Variants in MDN1 observed in about 807,000 individuals in gnomAD.
MDN1 encodes the protein midasin.
Under a neutral mutation model 669.2 loss-of-function variants are expected in MDN1, and 266 were observed. The ratio of observed to expected loss-of-function variants is 0.40; its 90% CI spans 0.36 to 0.44. MDN1 has a LOEUF of 0.44. Among genes scored for constraint, MDN1 ranks in the 20% least tolerant of loss-of-function variants. The pLI is 1.00. For synonymous variants in MDN1, 2,385 were observed against 2,457.1 expected, an observed-to-expected ratio of 0.97 and a Z score of 0.87; for missense variants, 5,940 against 6,754.0, an observed-to-expected ratio of 0.88 and a Z score of 4.22.
intron 9 of MDN1, among the ~76,000 whole-genome samples, chr6:89,782,709 G>C (rs901864471): frequency 6.6e-6 from 1 of 152,022 alleles, no homozygotes; most frequent in Admixed American, 6.5e-5. Flanking sequence ...GGCAGGCTGA[G>C]GTGAGTGGAT....
chr6:89,699,697 A>C lies in MDN1; in HGVS notation c.8901T>G (p.Asn2967Lys). ...ATGAGATGAGGTGACTTATCTCCTCATTTATCTGGGGTTGTTGATTTTTGC... is the reference window on the plus strand; with the variant it reads ...ATGAGATGAGGTGACTTATCTCCTCCTTTATCTGGGGTTGTTGATTTTTGC... ...RCSKNQQPQI[N>K]EEISHLISFC... The change falls in exon 58 of 102, where the codon AAT becomes AAG. Residue 2967 changes from asparagine (N) to lysine (K), a missense_variant. Around this residue, in one of 5 missense-constraint regions of MDN1, gnomAD observed 2,292 missense variants for 2,638.3 expected, o/e 0.87. Transcript: ENST00000369393. The C allele has an allele frequency of 1.2e-6, 2 of 1,613,928 alleles. No homozygotes were observed. The highest frequency in any genetic ancestry group is 8.5e-7 in the Non-Finnish European group (1 of 1,179,920).
Position 89,698,955 on chromosome 6 carries a change from G to A in MDN1, c.9078C>T (p.Thr3026=), listed in dbSNP as rs776166603. ...ACATTAGCCAGTACTCTGGATTTGT[G>A]GTCACAGTACTGCTCCAGAAAGACA... ...MFMSFWSSTV[T]TNPEYWLMWN... Residue 3026 remains threonine (T), a synonymous_variant, in exon 59 of 102, where the codon ACC becomes ACT. Coordinates refer to ENST00000369393, the MANE Select transcript of MDN1 (RefSeq NM_014611.3). The A allele has an allele frequency of 1.9e-6, 3 of 1,613,830 alleles. No homozygotes were observed. The highest frequency in any genetic ancestry group is 2.2e-5 in the East Asian group (1 of 44,876).
chr6:89,720,189 T>C lies in MDN1; in HGVS notation c.5968-964A>G, dbSNP rs568730188. Reference sequence around the variant, plus strand: ...TAAAAGCAGCATAGGAAAGTGTTCCTGTCACCTACCTATGAGTCCAGGTGA... The same window carrying C: ...TAAAAGCAGCATAGGAAAGTGTTCCCGTCACCTACCTATGAGTCCAGGTGA... On this transcript the variant is annotated intron_variant, in intron 40 of 101. Coordinates refer to ENST00000369393, the MANE Select transcript of MDN1 (RefSeq NM_014611.3). 3.3e-5 allele frequency among the ~76,000 whole-genome samples: 5 copies of C among 152,296 alleles called. No individual in the cohort carries two copies. In the East Asian group the frequency reaches 9.6e-4, roughly 29 times the overall value.
chr6:89,772,529 A>C (rs1333402214), intron 14 of MDN1, 44 bp downstream of exon 14: 1 of 1,583,214 alleles, frequency 6.3e-7, no homozygotes, highest in African/African-American at 1.4e-5. Flanking sequence ...AAAAGTAGTC[A>C]GTGTGAAATA....
intron 88 of MDN1, among the ~76,000 whole-genome samples, chr6:89,659,286 T>C (rs748489209): frequency 2.6e-5 from 4 of 152,160 alleles, no homozygotes; most frequent in Non-Finnish European, 2.9e-5. Context: ...GGCAGGAGGA[T>C]CACTTGAGCC....
At chr6:89,677,437 C>T (rs1283552643) in intron 76 of MDN1, 133 bp downstream of exon 76, 19 of 1,136,604 alleles carry the variant, frequency 1.7e-5, no homozygotes, top group Non-Finnish European at 2.3e-5. Flanking sequence ...GATCCTGAGC[C>T]AGGCACTTTT....
In MDN1 at chr6:89,714,744, G is replaced by A. The variant is rs777117877; in HGVS notation, c.6868C>T (p.Leu2290Phe). The stretch of plus-strand genomic sequence containing the variant: ...TCTCCATGAACAGGATCCATCGAGA[G>A]GAAAAGTCTAGAAAAATAGCAATTC... ...ITPNPNFRLF[L>F]SMDPVHGDIS... The change falls in exon 46 of 102, where the codon CTC becomes TTC. Residue 2290 changes from leucine to phenylalanine, a missense_variant. Physicochemically the swap from Leu to Phe is conservative, Grantham distance 22. Coordinates refer to ENST00000369393, the MANE Select transcript of MDN1 (RefSeq NM_014611.3). 50 of 1,605,904 alleles carry A rather than the reference G, an allele frequency of 3.1e-5. No individual in the cohort carries two copies. Among genetic ancestry groups the A allele is most frequent in the Admixed American group, 8.7e-5 (5 of 57,572 alleles).
chr6:89,798,462 A>G (rs1286647329), intron 2 of MDN1, among the ~76,000 whole-genome samples: 1 of 152,020 alleles, frequency 6.6e-6, no homozygotes, highest in East Asian at 1.9e-4. Flanking sequence ...AGATTGCACC[A>G]CTGCATTCCG....
chr6:89,684,322 A>G (rs1424972129), intron 71 of MDN1, among the ~76,000 whole-genome samples: 1 of 152,008 alleles, frequency 6.6e-6, no homozygotes, highest in Non-Finnish European at 1.5e-5. Flanking sequence ...CAGCCTAGGC[A>G]ACAGAGTTGA....
At position 89,675,561 on chromosome 6, in the gene MDN1, C is replaced by T. The variant is rs199509594; in HGVS notation, c.12664G>A (p.Val4222Met). 6.4e-5 allele frequency: 104 copies of T among 1,613,762 alleles called. No homozygotes were observed. The highest frequency in any genetic ancestry group is 4.5e-5 in the East Asian group (2 of 44,880). The change falls in exon 78 of 102, where the codon GTG (valine) becomes ATG (methionine). Residue 4222 changes from valine (V) to methionine (M), a missense_variant. Val to Met is a conservative substitution (Grantham distance 21). Transcript: ENST00000369393. The stretch of plus-strand genomic sequence containing the variant: ...GCTGAGAACCCTCTGCACCTCTCCA[C>T]GTTGCCCATGCCCATTTCCTGGCAG... ...TPAKEMGMGN[V>M]ERCRGFSAHL... is the part of the protein sequence containing the mutation.
Position 89,716,817 on chromosome 6 carries a change from G to T in MDN1, c.6584-8C>A, listed in dbSNP as rs1814407992. On this transcript the variant is annotated splice_region_variant and splice_polypyrimidine_tract_variant and intron_variant, in intron 43 of 101. Transcript: ENST00000369393. The stretch of plus-strand genomic sequence containing the variant: ...CAACAAGTTTGGCAAACTCTGAAAT[G>T]TCACAGGGAAGAATCACCATCCACA... 6.3e-7 allele frequency: 1 copy of T among 1,596,338 alleles called. No homozygotes were observed. Among genetic ancestry groups the T allele is most frequent in the South Asian group, 1.1e-5 (1 of 88,042 alleles).
In MDN1 at chr6:89,655,349, A is replaced by T. The variant is rs2128299423; in HGVS notation, c.15490+415T>A. ...ATTCATAGCACCTGTCAGTGCAGGG[A>T]CCTATCCAGAGGTGACTAAGAAGAA... On this transcript the variant is annotated intron_variant, in intron 92 of 101. Transcript: ENST00000369393. Among the ~76,000 whole-genome samples the T allele has an allele frequency of 1.3e-5, 2 of 152,316 alleles. 1 individual carries two copies. Among genetic ancestry groups the T allele is most frequent in the South Asian group, 4.1e-4 (2 of 4,824 alleles).
chr6:89,757,194 CATTTA>C (rs758449765), intron 19 of MDN1, among the ~76,000 whole-genome samples: 33 of 152,192 alleles, frequency 2.2e-4, no homozygotes, highest in African/African-American at 7.5e-4. Context: ...TAAATCTGGT[CATTTA>C]ATTTATTTTT....
At position 89,713,260 on chromosome 6, in the gene MDN1, G is replaced by A. The variant is rs766832437; in HGVS notation, c.7106C>T (p.Thr2369Ile). 2 of 1,613,712 alleles carry A rather than the reference G, an allele frequency of 1.2e-6. No individual in the cohort carries two copies. The highest frequency in any genetic ancestry group is 3.3e-5 in the Admixed American group (2 of 59,984). ...PTSSVSTLIQ[T>I]AILIVQYLQR... ...CAGGTACTGGACAATTAGTATGGCTGTCTGGATTAGAGTTGATACAGAAGA... is the reference window on the plus strand; with the variant it reads ...CAGGTACTGGACAATTAGTATGGCTATCTGGATTAGAGTTGATACAGAAGA... Residue 2369 changes from threonine (T) to isoleucine (I), a missense_variant, in exon 47 of 102, where the codon ACA (threonine) becomes ATA (isoleucine). Transcript: ENST00000369393.
intron 53 of MDN1, among the ~76,000 whole-genome samples, chr6:89,702,621 T>C (rs1204329252): frequency 6.6e-6 from 1 of 152,272 alleles, no homozygotes; most frequent in Non-Finnish European, 1.5e-5. Flanking sequence ...GATGTCTTGC[T>C]CATTTTAAAA....
chr6:89,647,214 AC>A (rs1808547430), intron 99 of MDN1, among the ~76,000 whole-genome samples: 1 of 152,300 alleles, frequency 6.6e-6, no homozygotes, highest in Admixed American at 6.5e-5. Context: ...CCTCAAATAA[AC>A]CAAACAGCTG....
At position 89,658,810 on chromosome 6, in the gene MDN1, G is replaced by C; in HGVS notation, c.14821C>G (p.Pro4941Ala). 6.2e-7 allele frequency: 1 copy of C among 1,614,016 alleles called. No homozygotes were observed. The highest frequency in any genetic ancestry group is 8.5e-7 in the Non-Finnish European group (1 of 1,180,002). The change falls in exon 89 of 102, where the codon CCT becomes GCT. Residue 4941 changes from proline to alanine, a missense_variant. Pro to Ala is a conservative substitution (Grantham distance 27). Coordinates refer to ENST00000369393, the MANE Select transcript of MDN1 (RefSeq NM_014611.3). Reference sequence around the variant, plus strand: ...TCATCTTCACTGGGGCCTTCCTCAGGCTCCTGTGGACTCTGACTTTCGTTC... The same window carrying C: ...TCATCTTCACTGGGGCCTTCCTCAGCCTCCTGTGGACTCTGACTTTCGTTC... ...DQNESQSPQE[P>A]EEGPSEDDKA... is the part of the protein sequence containing the mutation.
chr6:89,731,866 C>T (rs1187657084), intron 34 of MDN1, among the ~76,000 whole-genome samples: 1 of 142,726 alleles, frequency 7.0e-6, no homozygotes, highest in Non-Finnish European at 1.5e-5. Flanking sequence ...TGCCACAATA[C>T]CAGGCGTTAT....
intron 80 of MDN1, 88 bp downstream of exon 80, chr6:89,673,148 A>G (rs1186620755): frequency 4.2e-6 from 5 of 1,190,052 alleles, no homozygotes; most frequent in Non-Finnish European, 4.9e-6. Flanking sequence ...ACCAAAATAT[A>G]ATGTGTCTTT....
Sources: gnomAD v4.1 joint callset for allele counts (sites outside exome capture counted in the v4.1 genomes callset) on GRCh38, gnomAD v4.1.1 for gene constraint, gnomAD v4.1.1 regional missense constraint, MANE v1.5 for transcripts, NCBI Gene and HGNC (gene_info 2026-07-23, HGNC 2026-07-21) for gene names.